The following KMT2E variants were observed in gnomAD, a reference collection of about 807,000 sequenced individuals.
The protein encoded by KMT2E is histone reader KMT2E.
KMT2E carries 30 observed loss-of-function variants against 184.6 expected under a neutral mutation model. That is an observed-to-expected ratio of 0.16 (90% confidence interval 0.12 to 0.22). The LOEUF (loss-of-function observed/expected upper bound fraction) is 0.22, where lower values mean the gene tolerates loss of function less well. KMT2E is among the 10% of genes least tolerant of loss of function. The pLI is 1.00. For missense variants in KMT2E, 2,023 were observed against 2,237.4 expected (o/e 0.90, Z 1.93); for synonymous variants, 815 against 776.5 (o/e 1.05, Z -0.82).
At position 105,113,475 on chromosome 7, in the gene KMT2E, T is replaced by G; in HGVS notation, c.*142T>G. 1.0e-6 allele frequency: 1 copy of G among 988,248 alleles called. No individual in the cohort carries two copies. The highest frequency in any genetic ancestry group is 1.4e-6 in the Non-Finnish European group (1 of 709,092). The allele number at this position is 988,248 out of a possible 1,614,324, so 61.2% of individuals were successfully genotyped here. On this transcript the variant is annotated 3_prime_UTR_variant, in exon 27 of 27. Coordinates refer to ENST00000311117, the MANE Select transcript of KMT2E (RefSeq NM_182931.3). Reference sequence around the variant, plus strand: ...TGCTCTTTCGTTGTATTTTTCTCATTTTTGCTTTTTAAAATTCCTTTAAAA... The same window carrying G: ...TGCTCTTTCGTTGTATTTTTCTCATGTTTGCTTTTTAAAATTCCTTTAAAA...
intron 13 of KMT2E, among the ~76,000 whole-genome samples, chr7:105,088,370 G>A (rs1200497407): frequency 6.6e-6 from 1 of 152,206 alleles, no homozygotes; most frequent in Non-Finnish European, 1.5e-5. Flanking sequence ...TGATTTGGGA[G>A]GCGGGAGGTA....
intron 1 of KMT2E, among the ~76,000 whole-genome samples, chr7:105,025,107 G>A (rs1795120111): frequency 6.6e-6 from 1 of 152,046 alleles, no homozygotes; most frequent in Non-Finnish European, 1.5e-5. Context: ...CAATTCTTAA[G>A]ATGTAAAAGT....
chr7:105,056,612 G>A (rs1195751021), intron 3 of KMT2E, among the ~76,000 whole-genome samples: 1 of 152,134 alleles, frequency 6.6e-6, no homozygotes, highest in Non-Finnish European at 1.5e-5. Context: ...AGCAAAATTA[G>A]TGATTTATTT....
At chr7:105,101,806 T>C (rs1177686225) in intron 16 of KMT2E, 80 bp from the exon 17 acceptor site, 1 of 1,201,530 alleles carries the variant, frequency 8.3e-7, no homozygotes, top group East Asian at 2.7e-5. Flanking sequence ...AGTTGGCTTC[T>C]GAAGTAGAAT....
intron 1 of KMT2E, among the ~76,000 whole-genome samples, chr7:105,019,576 C>G (rs945863084): frequency 3.9e-5 from 6 of 152,092 alleles, no homozygotes; most frequent in Admixed American, 3.3e-4. Context: ...TATGTGTAAA[C>G]TACTTGTTCA....
chr7:105,048,174 C>G (rs778136325), intron 3 of KMT2E, among the ~76,000 whole-genome samples: 2 of 152,132 alleles, frequency 1.3e-5, no homozygotes, highest in Non-Finnish European at 2.9e-5. Flanking sequence ...GTAGCTGGAA[C>G]TACAGGTACA....
intron 3 of KMT2E, among the ~76,000 whole-genome samples, chr7:105,057,960 C>T (rs1045682808): frequency 1.3e-5 from 2 of 152,170 alleles, no homozygotes; most frequent in African/African-American, 2.4e-5. Flanking sequence ...GGGATCCGAT[C>T]GAAATTCACA....
At chr7:105,110,901 G>A (rs1017922072) in intron 26 of KMT2E, 33 bp downstream of exon 26, 2 of 1,482,438 alleles carry the variant, frequency 1.3e-6, no homozygotes, top group Admixed American at 3.4e-5. Flanking sequence ...GGGTTCCAAA[G>A]GACTTTAGGT....
At position 105,113,162 on chromosome 7, in the gene KMT2E, T is replaced by C; in HGVS notation, c.5406T>C (p.Ser1802=). Residue 1802 remains serine (S), a synonymous_variant, in exon 27 of 27, where the codon AGT becomes AGC. Coordinates refer to ENST00000311117, the MANE Select transcript of KMT2E (RefSeq NM_182931.3). The part of the protein sequence containing the change: ...GPHLQPQGPN[S]IPTPTASGFC... ...ATCTCCAGCCCCAAGGACCAAACAG[T>C]ATTCCAACACCTACTGCTTCAGGGT... 1 of 1,614,140 alleles carries C rather than the reference T, an allele frequency of 6.2e-7. No individual in the cohort carries two copies. The highest frequency in any genetic ancestry group is 8.5e-7 in the Non-Finnish European group (1 of 1,180,030).
intron 3 of KMT2E, among the ~76,000 whole-genome samples, chr7:105,056,718 G>T (rs1276078846): frequency 3.9e-5 from 6 of 152,182 alleles, no homozygotes; most frequent in Non-Finnish European, 8.8e-5. Flanking sequence ...AGGAGCTTCA[G>T]ACAGAGTATT....
At position 105,112,678 on chromosome 7, in the gene KMT2E, T is replaced by TACA. The variant is rs1424396699; in HGVS notation, c.4926_4928dup (p.Gln1643dup). 6.2e-7 allele frequency: 1 copy of TACA among 1,613,730 alleles called. No homozygotes were observed. The highest frequency in any genetic ancestry group is 1.3e-5 in the African/African-American group (1 of 74,800). The stretch of plus-strand genomic sequence containing the variant: ...CCACCTGCTCCAGGACCGCACCTTG[T>TACA]ACAACAGCCGAATTCCCATCAGCAA... On this transcript the variant is annotated inframe_insertion, in exon 27 of 27. Coordinates refer to ENST00000311117, the MANE Select transcript of KMT2E (RefSeq NM_182931.3).
intron 5 of KMT2E, among the ~76,000 whole-genome samples, chr7:105,065,473 C>T (rs1368295165): frequency 6.6e-6 from 1 of 152,162 alleles, no homozygotes; most frequent in Non-Finnish European, 1.5e-5. Context: ...TAGTTTGGTA[C>T]AGTAGTCCCT....
At chr7:105,081,852 C>T (rs1160508209) in intron 13 of KMT2E, 55 bp downstream of exon 13, 6 of 731,894 alleles carry the variant, frequency 8.2e-6, no homozygotes, top group Admixed American at 2.7e-5. Context: ...CCATAATGTC[C>T]CTGTAATAAT....
intron 15 of KMT2E, among the ~76,000 whole-genome samples, chr7:105,095,549 T>C (rs1288692626): frequency 6.6e-6 from 1 of 152,240 alleles, no homozygotes; most frequent in African/African-American, 2.4e-5. Context: ...GGCCTTTTCA[T>C]TTCCAGTTCC....
At chr7:105,019,823 T>C (rs1794872891) in intron 1 of KMT2E, among the ~76,000 whole-genome samples, 1 of 152,074 alleles carries the variant, frequency 6.6e-6, no homozygotes, top group Non-Finnish European at 1.5e-5. Context: ...TTATTAAAAA[T>C]AGGCTGGGCA....
intron 3 of KMT2E, among the ~76,000 whole-genome samples, chr7:105,059,745 T>G (rs1436356210): frequency 6.6e-6 from 1 of 152,008 alleles, no homozygotes; most frequent in Non-Finnish European, 1.5e-5. Flanking sequence ...AAAAATTGTG[T>G]AGATATAATG....
At chr7:105,103,279 C>T (rs1798736942) in intron 17 of KMT2E, 1 of 152,172 alleles carries the variant, frequency 6.6e-6, no homozygotes. Flanking sequence ...TAGGCTTCTA[C>T]ATCCTATCTG....
At chr7:105,083,317 A>G (rs1797833104) in intron 13 of KMT2E, among the ~76,000 whole-genome samples, 2 of 152,172 alleles carry the variant, frequency 1.3e-5, no homozygotes, top group South Asian at 4.1e-4. Context: ...CTTAAAGGCC[A>G]TTATCACTCC....
Position 105,025,652 on chromosome 7 carries a change from T to C in KMT2E, c.-189+11117T>C, listed in dbSNP as rs78011961. ...TTGAGATGAATGCTCATGGAAGTTA[T>C]AGGTTTCTTCCCAAATTGGCTAATT... On this transcript the variant is annotated intron_variant, in intron 1 of 26. Transcript: ENST00000311117. Among the ~76,000 whole-genome samples the C allele has an allele frequency of 1.3e-3, 192 of 152,308 alleles. 4 individuals are homozygous for C. In the East Asian group the frequency reaches 0.029, roughly 23 times the overall value.
Sources: allele counts gnomAD v4.1 joint callset (sites outside exome capture counted in the v4.1 genomes callset), GRCh38; gene constraint gnomAD v4.1.1; transcripts MANE v1.5; gene names NCBI Gene and HGNC (gene_info 2026-07-23, HGNC 2026-07-21).